PRKCA: variants seen among roughly 807,000 people sequenced by gnomAD.
The protein encoded by PRKCA is protein kinase C alpha type.
In PRKCA, 27 loss-of-function variants were observed where a neutral mutation model predicts 87.0. That is an observed-to-expected ratio of 0.31 (90% CI 0.23 to 0.43). The LOEUF is 0.43. PRKCA is among the 20% of genes least tolerant of loss of function. PRKCA has a pLI of 1.00. For missense variants in PRKCA, 518 were observed against 852.3 expected (o/e 0.61, Z 4.88); for synonymous variants, 329 against 311.1 (o/e 1.06, Z -0.61).
At chr17:66,568,982 G>A (rs1321587726) in intron 3 of PRKCA, among the ~76,000 whole-genome samples, 1 of 151,870 alleles carries the variant, frequency 6.6e-6, no homozygotes, top group Non-Finnish European at 1.5e-5. Flanking sequence ...TGGTCAATAG[G>A]ATATCTATAT....
intron 5 of PRKCA, among the ~76,000 whole-genome samples, chr17:66,662,370 T>C (rs1971930468): frequency 6.6e-6 from 1 of 152,198 alleles, no homozygotes; most frequent in Admixed American, 6.5e-5. Context: ...TAATTTCCCT[T>C]TCTACTGACA....
chr17:66,477,806 C>T (rs949017021), intron 2 of PRKCA, among the ~76,000 whole-genome samples: 10 of 152,154 alleles, frequency 6.6e-5, no homozygotes, highest in African/African-American at 2.2e-4. Context: ...GTTGTGTAAC[C>T]ATCGGCACAG....
intron 8 of PRKCA, among the ~76,000 whole-genome samples, chr17:66,707,722 A>T (rs1008004189): frequency 1.3e-5 from 2 of 152,114 alleles, no homozygotes; most frequent in African/African-American, 4.8e-5. Context: ...GTACTAAGGG[A>T]TATGAGACCT....
rs140882327 is a variant in PRKCA, at chr17:66,593,829, A to G, written c.289-47526A>G. 7.9e-5 allele frequency among the ~76,000 whole-genome samples: 12 copies of G among 152,268 alleles called. No homozygotes were observed. In the East Asian group the frequency reaches 2.3e-3, roughly 29 times the overall value. ...CTGGGTGTGGGGGCCCACGCCTGTA[A>G]TCCCAGCACTTTGGGAGGCCGAGGC... is the stretch of plus-strand genomic sequence containing the variant. On this transcript the variant is annotated intron_variant, in intron 3 of 16. Coordinates refer to ENST00000413366, the MANE Select transcript of PRKCA (RefSeq NM_002737.3).
intron 3 of PRKCA, among the ~76,000 whole-genome samples, chr17:66,567,475 C>T (rs1169395642): frequency 2.6e-5 from 4 of 152,206 alleles, no homozygotes; most frequent in Non-Finnish European, 4.4e-5. Flanking sequence ...TGCCAGGCCA[C>T]AGGCAGGTCT....
At chr17:66,707,913 T>A (rs979563829) in intron 8 of PRKCA, among the ~76,000 whole-genome samples, 1 of 152,190 alleles carries the variant, frequency 6.6e-6, no homozygotes, top group Non-Finnish European at 1.5e-5. Flanking sequence ...GCCTCACTGC[T>A]GAAAAGATTA....
intron 3 of PRKCA, among the ~76,000 whole-genome samples, chr17:66,627,060 G>A (rs2143724647): frequency 6.6e-6 from 1 of 152,302 alleles, no homozygotes; most frequent in Non-Finnish European, 1.5e-5. Flanking sequence ...AAACAGTGCT[G>A]AATTTCTGCC....
At chr17:66,457,285 G>T (rs1397400951) in intron 2 of PRKCA, among the ~76,000 whole-genome samples, 1 of 152,076 alleles carries the variant, frequency 6.6e-6, no homozygotes, top group African/African-American at 2.4e-5. Flanking sequence ...CTGAAGGTAG[G>T]AGCTACCTTG....
intron 8 of PRKCA, among the ~76,000 whole-genome samples, chr17:66,712,893 G>A (rs1008813123): frequency 4.6e-5 from 7 of 152,104 alleles, no homozygotes; most frequent in African/African-American, 1.7e-4. Flanking sequence ...AACAGTGCCT[G>A]GCTAGATTTG....
intron 2 of PRKCA, among the ~76,000 whole-genome samples, chr17:66,336,775 TG>T (rs1460705482): frequency 7.6e-6 from 1 of 131,688 alleles, no homozygotes; most frequent in Non-Finnish European, 1.7e-5. Flanking sequence ...TGTGTGTGTG[TG>T]TGTGTGTGTG....
At chr17:66,697,081 C>T (rs927204558) in intron 8 of PRKCA, among the ~76,000 whole-genome samples, 26 of 152,220 alleles carry the variant, frequency 1.7e-4, no homozygotes, top group Non-Finnish European at 3.4e-4. Context: ...CTCAGAGAGT[C>T]GAGAAAGCCT....
chr17:66,516,436 G>A (rs1290267797), intron 3 of PRKCA, among the ~76,000 whole-genome samples: 1 of 151,884 alleles, frequency 6.6e-6, no homozygotes, highest in Admixed American at 6.6e-5. Flanking sequence ...GGTTCGAGAC[G>A]AGCCTGGCCA....
At chr17:66,593,423 A>C (rs1969876083) in intron 3 of PRKCA, among the ~76,000 whole-genome samples, 1 of 152,218 alleles carries the variant, frequency 6.6e-6, no homozygotes, top group Non-Finnish European at 1.5e-5. Flanking sequence ...TCTTGAGGCC[A>C]AGACCCATAA....
intron 3 of PRKCA, among the ~76,000 whole-genome samples, chr17:66,518,963 T>C (rs1022186413): frequency 1.3e-5 from 2 of 152,208 alleles, no homozygotes; most frequent in African/African-American, 4.8e-5. Flanking sequence ...TGTGCTATGA[T>C]GCGTACACTA....
intron 3 of PRKCA, among the ~76,000 whole-genome samples, chr17:66,548,683 T>C (rs1186795054): frequency 6.6e-6 from 1 of 152,096 alleles, no homozygotes; most frequent in Non-Finnish European, 1.5e-5. Flanking sequence ...GCATGGGCCC[T>C]AAATGCCATC....
At chr17:66,699,944 C>A (rs1973021956) in intron 8 of PRKCA, among the ~76,000 whole-genome samples, 1 of 152,248 alleles carries the variant, frequency 6.6e-6, no homozygotes, top group African/African-American at 2.4e-5. Context: ...AAGAACATGC[C>A]TGAGTTCATT....
chr17:66,632,575 T>C (rs1971051342), intron 3 of PRKCA, among the ~76,000 whole-genome samples: 1 of 152,038 alleles, frequency 6.6e-6, no homozygotes, highest in African/African-American at 2.4e-5. Context: ...AGATGAGGTC[T>C]CGTTATGTTG....
At chr17:66,655,855 A>G (rs1971721434) in intron 5 of PRKCA, among the ~76,000 whole-genome samples, 1 of 108,144 alleles carries the variant, frequency 9.2e-6, no homozygotes, top group African/African-American at 4.1e-5. Context: ...CCCAATTCAT[A>G]AAGCCACATG....
intron 7 of PRKCA, 100 bp downstream of exon 7, chr17:66,688,536 C>A: frequency 6.8e-7 from 1 of 1,466,720 alleles, no homozygotes; most frequent in South Asian, 1.3e-5. Context: ...GACATGGTGC[C>A]TCATGCTTGT....
Sources: gnomAD v4.1 joint callset for allele counts (sites outside exome capture counted in the v4.1 genomes callset) on GRCh38, gnomAD v4.1.1 for gene constraint, MANE v1.5 for transcripts, NCBI Gene and HGNC (gene_info 2026-07-23, HGNC 2026-07-21) for gene names.